DIXDC1: variants seen among roughly 807,000 people sequenced by gnomAD.
DIXDC1 encodes dixin.
DIXDC1 carries 64 observed loss-of-function variants against 103.1 expected under a neutral mutation model. The ratio of observed to expected loss-of-function variants is 0.62; its 90% CI spans 0.51 to 0.76. The LOEUF (loss-of-function observed/expected upper bound fraction) is 0.76. Ranked by LOEUF, DIXDC1 falls within the 30% of genes least tolerant of loss-of-function variation. DIXDC1 has a pLI of 0.00. For missense variants in DIXDC1, 759 were observed against 834.2 expected (o/e 0.91, Z 1.11); for synonymous variants, 266 against 298.5 (o/e 0.89, Z 1.12).
chr11:111,968,098 C>T (rs191862155), intron 2 of DIXDC1, among the ~76,000 whole-genome samples: 4 of 152,328 alleles, frequency 2.6e-5, no homozygotes, highest in East Asian at 3.9e-4. Context: ...AAGCACTTAT[C>T]GCTACTATGA....
intron 1 of DIXDC1, chr11:111,946,781 CCTT>C (rs1966613157): frequency 2.0e-6 from 1 of 490,282 alleles, no homozygotes; most frequent in South Asian, 1.5e-5. Context: ...GTTTTCCCAA[CCTT>C]CTTGGTATGA....
chr11:111,982,264 G>T, intron 6 of DIXDC1, 75 bp from the exon 7 acceptor site: 1 of 1,522,320 alleles, frequency 6.6e-7, no homozygotes, highest in South Asian at 1.3e-5. Flanking sequence ...ACCTGTGAAC[G>T]CTACCCTGTG....
chr11:111,993,140 G>A (rs914106816), intron 12 of DIXDC1, 136 bp downstream of exon 12: 105 of 978,374 alleles, frequency 1.1e-4, no homozygotes, highest in Non-Finnish European at 1.3e-4. Flanking sequence ...TTAGAAGGAA[G>A]CATTTTTCTG....
upstream of DIXDC1, among the ~76,000 whole-genome samples, chr11:111,936,041 A>G (rs146769677): frequency 1.3e-5 from 2 of 152,330 alleles, no homozygotes; most frequent in East Asian, 3.9e-4. Flanking sequence ...ATTAGGTTGA[A>G]TAAGAGCCAT....
intron 1 of DIXDC1, among the ~76,000 whole-genome samples, chr11:111,956,167 A>G (rs1859358016): frequency 6.6e-6 from 1 of 152,194 alleles, no homozygotes; most frequent in Non-Finnish European, 1.5e-5. Flanking sequence ...TGAAGTATCT[A>G]AAGTAGTCAG....
chr11:111,990,852 G>A (rs948648264), intron 10 of DIXDC1, among the ~76,000 whole-genome samples: 24 of 152,036 alleles, frequency 1.6e-4, no homozygotes, highest in African/African-American at 4.6e-4. Flanking sequence ...GATTACAGGC[G>A]TGTGCCACCA....
chr11:111,998,799 G>T lies in DIXDC1; in HGVS notation c.1756+2653G>T, dbSNP rs1408174236. ...TCCACCCACCCCGGCCTCCCAAAGTGCTGGGATTACAGGCGTGAGCCACCG... is the reference window on the plus strand; with the variant it reads ...TCCACCCACCCCGGCCTCCCAAAGTTCTGGGATTACAGGCGTGAGCCACCG... On this transcript the variant is annotated intron_variant, in intron 17 of 19. Coordinates refer to ENST00000440460, the MANE Select transcript of DIXDC1 (RefSeq NM_001037954.4). This position sits in a 1 kb window ranked among gnomAD's most constrained non-coding sequence, Gnocchi z 4.1. Among the ~76,000 whole-genome samples the T allele has an allele frequency of 1.3e-5, 2 of 152,204 alleles. No individual in the cohort carries two copies. Among genetic ancestry groups the T allele is most frequent in the Non-Finnish European group, 2.9e-5 (2 of 68,044 alleles).
At chr11:111,971,994 G>A (rs928654380) in intron 3 of DIXDC1, among the ~76,000 whole-genome samples, 1 of 151,974 alleles carries the variant, frequency 6.6e-6, no homozygotes, top group African/African-American at 2.4e-5. Flanking sequence ...GAGGGAGGAA[G>A]GGCTGCAAAC....
chr11:111,947,826 T>A (rs1349243574), intron 1 of DIXDC1, among the ~76,000 whole-genome samples: 1 of 152,132 alleles, frequency 6.6e-6, no homozygotes. Context: ...ATTTTTTTCA[T>A]CAATGATTTA....
At chr11:111,933,636 G>T (rs1555167874), upstream of DIXDC1, among the ~76,000 whole-genome samples, 1 of 134,748 alleles carries the variant, frequency 7.4e-6, no homozygotes, top group African/African-American at 2.8e-5. Flanking sequence ...ATTTTTTTGT[G>T]CCACTGCATT....
At chr11:111,971,724 G>GTATATCTATATC (rs58755877) in intron 3 of DIXDC1, among the ~76,000 whole-genome samples, 7,700 of 147,728 alleles carry the variant, frequency 0.052, 242 homozygotes, top group Middle Eastern at 0.095. Context: ...AATGTGGTGT[G>GTATATCTATATC]TATATCTATA....
At position 112,019,210 on chromosome 11, in the gene DIXDC1, G is replaced by A. The variant is rs1861684601; in HGVS notation, c.*174G>A. ...TCCTCTTTCTGTGCCTGGCATATCT[G>A]GTACTTAAAATTCTGTCCAAATGTA... On this transcript the variant is annotated 3_prime_UTR_variant, in exon 20 of 20. Coordinates refer to ENST00000440460, the MANE Select transcript of DIXDC1 (RefSeq NM_001037954.4). 1.9e-6 allele frequency: 1 copy of A among 520,684 alleles called. No homozygotes were observed. Among genetic ancestry groups the A allele is most frequent in the Non-Finnish European group, 3.5e-6 (1 of 287,990 alleles). 32.3% of individuals were successfully genotyped at this position (520,684 alleles called of 1,614,324 possible).
At chr11:111,963,383 T>C (rs1274154887) in intron 1 of DIXDC1, among the ~76,000 whole-genome samples, 8 of 152,208 alleles carry the variant, frequency 5.3e-5, no homozygotes, top group African/African-American at 1.7e-4. Flanking sequence ...ATTGTTGTCT[T>C]AGCACTGTCT....
intron 1 of DIXDC1, among the ~76,000 whole-genome samples, chr11:111,948,712 C>T (rs1302585499): frequency 6.6e-6 from 1 of 150,596 alleles, no homozygotes; most frequent in East Asian, 1.9e-4. Flanking sequence ...CTTCATTCTC[C>T]CCGTCCCTTT....
upstream of DIXDC1, among the ~76,000 whole-genome samples, chr11:111,933,633 T>G (rs1251885134): frequency 6.7e-6 from 1 of 149,362 alleles, no homozygotes; most frequent in Non-Finnish European, 1.5e-5. Context: ...GTAATTTTTT[T>G]GTGCCACTGC....
At chr11:111,930,442 G>A (rs782478051) in intron 2 of DIXDC1, among the ~76,000 whole-genome samples, 1 of 152,092 alleles carries the variant, frequency 6.6e-6, no homozygotes, top group Non-Finnish European at 1.5e-5. Flanking sequence ...ATCACACCCA[G>A]CTAATTTTTT....
Position 111,995,116 on chromosome 11 carries a change from C to G in DIXDC1, c.1527+8C>G, listed in dbSNP as rs1055891356. 1 of 1,612,568 alleles carries G rather than the reference C, an allele frequency of 6.2e-7. No homozygotes were observed. The highest frequency in any genetic ancestry group is 8.5e-7 in the Non-Finnish European group (1 of 1,179,632). ...TCAGTCAGCAACAGAGGGGTACGTA[C>G]CTGGAGTTTTGATGGAGTCCTGCCA... On this transcript the variant is annotated splice_region_variant and intron_variant, in intron 15 of 19. Coordinates refer to ENST00000440460, the MANE Select transcript of DIXDC1 (RefSeq NM_001037954.4).
At chr11:111,986,122 G>A (rs1246198332) in intron 8 of DIXDC1, among the ~76,000 whole-genome samples, 2 of 152,132 alleles carry the variant, frequency 1.3e-5, no homozygotes, top group East Asian at 3.9e-4. Flanking sequence ...CTTCTCACTG[G>A]TTTTCCTGAT....
In DIXDC1 at chr11:111,946,183, A is replaced by G. The variant is rs1199157702; in HGVS notation, c.60+8624A>G. Among the ~76,000 whole-genome samples the G allele has an allele frequency of 4.7e-5, 7 of 147,594 alleles. No homozygotes were observed. The Admixed American group carries it at 4.7e-4, about 10-fold the overall frequency. Reference sequence around the variant, plus strand: ...GACTGCAGTGGTGCGATCTCGGCTCACTGCAAGCTCCGCCTCCTGGGTTCC... The same window carrying G: ...GACTGCAGTGGTGCGATCTCGGCTCGCTGCAAGCTCCGCCTCCTGGGTTCC... On this transcript the variant is annotated intron_variant, in intron 1 of 19. Transcript: ENST00000440460.
Sources: gnomAD v4.1 joint callset for allele counts (sites outside exome capture counted in the v4.1 genomes callset) on GRCh38, gnomAD v4.1.1 for gene constraint, Gnocchi (gnomAD v3.1) non-coding constraint, MANE v1.5 for transcripts, NCBI Gene and HGNC (gene_info 2026-07-23, HGNC 2026-07-21) for gene names.